The following SLC44A5 variants were observed in gnomAD, a reference collection of about 807,000 sequenced individuals.
SLC44A5 encodes choline transporter-like protein 5.
In SLC44A5, 57 loss-of-function variants were observed where a neutral mutation model predicts 101.8. That is an observed-to-expected ratio of 0.56 (90% CI 0.45 to 0.70). The LOEUF is 0.70. Ranked by LOEUF, SLC44A5 falls within the 30% of genes least tolerant of loss-of-function variation. The pLI is 0.00. For synonymous variants in SLC44A5, 281 were observed against 290.9 expected, an observed-to-expected ratio of 0.97 and a Z score of 0.35; for missense variants, 737 against 853.1, an observed-to-expected ratio of 0.86 and a Z score of 1.70.
chr1:75,317,333 A>G (rs1476278850), intron 4 of SLC44A5, among the ~76,000 whole-genome samples: 1 of 152,192 alleles, frequency 6.6e-6, no homozygotes, highest in East Asian at 1.9e-4. Flanking sequence ...TTCCCCACAC[A>G]TGAGTGAGAA....
upstream of SLC44A5, among the ~76,000 whole-genome samples, chr1:75,613,368 A>G (rs1322657238): frequency 6.6e-6 from 1 of 152,218 alleles, no homozygotes; most frequent in Non-Finnish European, 1.5e-5. Context: ...GCAGTTCAGC[A>G]AGCCTGCAGT....
intron 5 of SLC44A5, among the ~76,000 whole-genome samples, chr1:75,291,968 C>T (rs1047598509): frequency 4.7e-5 from 7 of 148,512 alleles, no homozygotes; most frequent in Non-Finnish European, 1.0e-4. Flanking sequence ...GCCGAGATCG[C>T]GCCACTGCAC....
At chr1:75,394,760 T>G (rs921804464) in intron 3 of SLC44A5, among the ~76,000 whole-genome samples, 2 of 152,008 alleles carry the variant, frequency 1.3e-5, no homozygotes, top group East Asian at 1.9e-4. Flanking sequence ...TAAAAAGAAG[T>G]GTAAATGTGG....
chr1:75,595,798 A>G (rs1200583791), intron 1 of SLC44A5, among the ~76,000 whole-genome samples: 1 of 152,240 alleles, frequency 6.6e-6, no homozygotes, highest in Non-Finnish European at 1.5e-5. Flanking sequence ...CAAGAAGTTT[A>G]TGGCTTAATT....
chr1:75,650,773 C>A, the SLC44A5 span, among the ~76,000 whole-genome samples: 1 of 150,896 alleles, frequency 6.6e-6, no homozygotes, highest in African/African-American at 2.4e-5. Context: ...GCATGTGCCA[C>A]CACACCCAGC....
intron 2 of SLC44A5, among the ~76,000 whole-genome samples, chr1:75,480,504 C>T (rs995822332): frequency 1.2e-4 from 18 of 152,154 alleles, no homozygotes; most frequent in Admixed American, 1.1e-3. Flanking sequence ...CTAGAAAACC[C>T]CATTGTCTCA....
intron 3 of SLC44A5, among the ~76,000 whole-genome samples, chr1:75,355,571 A>G (rs1659002869): frequency 6.6e-6 from 1 of 152,244 alleles, no homozygotes; most frequent in South Asian, 2.1e-4. Flanking sequence ...GAGGTCCTCA[A>G]TAAAAATTAG....
chr1:75,557,419 G>A (rs1482294573), intron 1 of SLC44A5, among the ~76,000 whole-genome samples: 2 of 152,046 alleles, frequency 1.3e-5, no homozygotes, highest in African/African-American at 4.8e-5. Context: ...CAGAAGAAAG[G>A]TGGGCAATGG....
chr1:75,629,114 T>C, the SLC44A5 span, among the ~76,000 whole-genome samples: 1 of 152,076 alleles, frequency 6.6e-6, no homozygotes, highest in Non-Finnish European at 1.5e-5. Context: ...AGAAAATAAT[T>C]AGGACAAGAG....
the SLC44A5 span, among the ~76,000 whole-genome samples, chr1:75,635,136 A>C: frequency 2.0e-5 from 3 of 151,360 alleles, no homozygotes; most frequent in Non-Finnish European, 2.9e-5. Flanking sequence ...TTAGAATGGC[A>C]ATCATTAAAA....
At chr1:75,401,793 T>A (rs1162155405) in intron 2 of SLC44A5, among the ~76,000 whole-genome samples, 1 of 152,078 alleles carries the variant, frequency 6.6e-6, no homozygotes, top group Non-Finnish European at 1.5e-5. Flanking sequence ...ACCTTCTGTG[T>A]TCTCAAAAAA....
At chr1:75,212,868 C>G (rs1036819700) in intron 22 of SLC44A5, among the ~76,000 whole-genome samples, 1 of 152,116 alleles carries the variant, frequency 6.6e-6, no homozygotes. Flanking sequence ...CAGGGCTTCA[C>G]CCAGATCTAC....
At chr1:75,307,200 T>C (rs1196559490) in intron 4 of SLC44A5, among the ~76,000 whole-genome samples, 10 of 152,198 alleles carry the variant, frequency 6.6e-5, no homozygotes, top group Non-Finnish European at 1.5e-4. Flanking sequence ...GTCCACTGCC[T>C]GTGATTCCAG....
chr1:75,273,099 G>C (rs569237017), intron 6 of SLC44A5, among the ~76,000 whole-genome samples: 1 of 151,960 alleles, frequency 6.6e-6, no homozygotes, highest in African/African-American at 2.4e-5. Context: ...CTTTCACCTT[G>C]TTGGTTAAGT....
At chr1:75,718,872 T>G in the SLC44A5 span, among the ~76,000 whole-genome samples, 1 of 152,232 alleles carries the variant, frequency 6.6e-6, no homozygotes, top group African/African-American at 2.4e-5. Flanking sequence ...AGTGTATTTT[T>G]GTAAGCAAAA....
At chr1:75,640,657 T>C in the SLC44A5 span, among the ~76,000 whole-genome samples, 2 of 152,124 alleles carry the variant, frequency 1.3e-5, no homozygotes, top group Admixed American at 6.6e-5. Flanking sequence ...GTGCATGCTA[T>C]AGAAATATCC....
the SLC44A5 span, among the ~76,000 whole-genome samples, chr1:75,702,452 C>A: frequency 9.2e-5 from 14 of 152,126 alleles, no homozygotes; most frequent in African/African-American, 2.9e-4. Context: ...AACTGGCTAG[C>A]CATATGTAGA....
At chr1:75,220,191 C>A (rs1371970686) in intron 14 of SLC44A5, among the ~76,000 whole-genome samples, 2 of 152,028 alleles carry the variant, frequency 1.3e-5, no homozygotes, top group Non-Finnish European at 1.5e-5. Flanking sequence ...CGTTTAGATT[C>A]TTAGACTTTT....
At chr1:75,622,726 G>C in the SLC44A5 span, among the ~76,000 whole-genome samples, 1 of 152,026 alleles carries the variant, frequency 6.6e-6, no homozygotes. Flanking sequence ...TAAACAACTA[G>C]AATTGGTTTC....
Sources: gnomAD v4.1 joint callset for allele counts (sites outside exome capture counted in the v4.1 genomes callset) on GRCh38, gnomAD v4.1.1 for gene constraint, MANE v1.5 for transcripts, NCBI Gene and HGNC (gene_info 2026-07-23, HGNC 2026-07-21) for gene names.